CDH12: variants seen among roughly 807,000 people sequenced by gnomAD.
CDH12 encodes the protein cadherin-12.
In CDH12, 41 loss-of-function variants were observed where a neutral mutation model predicts 74.1. The ratio of observed to expected loss-of-function variants is 0.55; its 90% CI spans 0.43 to 0.72. CDH12 has a LOEUF of 0.72. Ranked by LOEUF, CDH12 falls within the 30% of genes least tolerant of loss-of-function variation. The pLI, the probability that CDH12 is intolerant of heterozygous loss-of-function variation, is 0.00. For missense variants in CDH12, 945 were observed against 977.2 expected, an observed-to-expected ratio of 0.97 and a Z score of 0.44; for synonymous variants, 399 against 355.0, an observed-to-expected ratio of 1.12 and a Z score of -1.39.
intron 6 of CDH12, among the ~76,000 whole-genome samples, chr5:21,939,096 G>T (rs1465851734): frequency 6.6e-6 from 1 of 150,938 alleles, no homozygotes; most frequent in African/African-American, 2.4e-5. Flanking sequence ...AAAAAATGCA[G>T]CCTTCTAAAA....
chr5:22,221,401 A>T (rs1012743591), intron 3 of CDH12, among the ~76,000 whole-genome samples: 1 of 151,840 alleles, frequency 6.6e-6, no homozygotes, highest in Non-Finnish European at 1.5e-5. Flanking sequence ...ATATTATTCT[A>T]TCTGTAAATG....
chr5:22,062,399 T>C (rs911669719), intron 5 of CDH12, among the ~76,000 whole-genome samples: 2 of 152,170 alleles, frequency 1.3e-5, no homozygotes, highest in African/African-American at 4.8e-5. Context: ...TGTCTAATCA[T>C]ATTCAAAAAT....
intron 2 of CDH12, among the ~76,000 whole-genome samples, chr5:22,467,651 A>G (rs778345783): frequency 6.6e-6 from 1 of 152,196 alleles, no homozygotes; most frequent in Non-Finnish European, 1.5e-5. Context: ...TAGTTGTTCA[A>G]TAAATATTGG....
chr5:22,156,350 A>G (rs1481951135), intron 4 of CDH12, among the ~76,000 whole-genome samples: 1 of 152,168 alleles, frequency 6.6e-6, no homozygotes, highest in Non-Finnish European at 1.5e-5. Context: ...TATGAAAAGG[A>G]GAATTAATAG....
At chr5:21,832,907 TGATATAATATTAATATATATC>T (rs1749138084) in intron 8 of CDH12, among the ~76,000 whole-genome samples, 1 of 80,838 alleles carries the variant, frequency 1.2e-5, no homozygotes, top group Non-Finnish European at 2.0e-5. Context: ...ATATAATATA[TGATATAATATTAATATATATC>T]ATATATTATA....
chr5:22,578,557 T>C (rs981597775), intron 1 of CDH12, among the ~76,000 whole-genome samples: 1 of 152,190 alleles, frequency 6.6e-6, no homozygotes, highest in Non-Finnish European at 1.5e-5. Context: ...AAAGGGAATC[T>C]GACTATAAAT....
intron 1 of CDH12, among the ~76,000 whole-genome samples, chr5:22,633,332 G>A (rs1738676657): frequency 1.3e-5 from 2 of 152,120 alleles, no homozygotes. Context: ...GAATATAAAA[G>A]TGCAATGGAT....
intron 1 of CDH12, among the ~76,000 whole-genome samples, chr5:22,657,694 C>T (rs1740122245): frequency 6.6e-6 from 1 of 152,118 alleles, no homozygotes; most frequent in Admixed American, 6.6e-5. Flanking sequence ...ATACCTAATT[C>T]TTTATAACAG....
chr5:21,932,916 C>T (rs944899411), intron 6 of CDH12, among the ~76,000 whole-genome samples: 3 of 149,538 alleles, frequency 2.0e-5, no homozygotes, highest in Non-Finnish European at 4.4e-5. Flanking sequence ...TGTTTCTTTT[C>T]TAATTCCAAA....
chr5:22,785,078 C>A (rs1367754236), intron 1 of CDH12, among the ~76,000 whole-genome samples: 1 of 152,028 alleles, frequency 6.6e-6, no homozygotes, highest in Non-Finnish European at 1.5e-5. Flanking sequence ...GGTTATGATG[C>A]CTTCTTCTGA....
rs757908437 is a variant in CDH12, at chr5:22,738,452, G to A, written c.-523+114606C>T. On this transcript the variant is annotated intron_variant, in intron 1 of 14. Coordinates refer to ENST00000382254, the MANE Select transcript of CDH12 (RefSeq NM_004061.5). ...CATTTCTCAGATTTGACTCTACTAC[G>A]TTGATATTGTTACATGTAAATAACT... 6.6e-5 allele frequency among the ~76,000 whole-genome samples: 10 copies of A among 152,040 alleles called. No homozygotes were observed. The East Asian group carries it at 1.4e-3, about 21-fold the overall frequency.
chr5:21,755,376 C>T (rs559428185), intron 14 of CDH12, among the ~76,000 whole-genome samples: 2 of 151,932 alleles, frequency 1.3e-5, no homozygotes, highest in Non-Finnish European at 2.9e-5. Flanking sequence ...ATTTATTTAT[C>T]CCCAATAATA....
intron 1 of CDH12, among the ~76,000 whole-genome samples, chr5:22,616,178 T>A (rs1035068232): frequency 7.9e-5 from 12 of 152,076 alleles, no homozygotes; most frequent in Admixed American, 2.0e-4. Flanking sequence ...GTACTGTTCA[T>A]TTCAACAAGT....
intron 1 of CDH12, among the ~76,000 whole-genome samples, chr5:22,516,349 A>G (rs1389434079): frequency 1.3e-5 from 2 of 152,228 alleles, no homozygotes; most frequent in Admixed American, 6.5e-5. Context: ...AAATGGCTCT[A>G]TTAAATCAAG....
At chr5:22,382,433 G>A (rs1247408125) in intron 3 of CDH12, among the ~76,000 whole-genome samples, 1 of 151,578 alleles carries the variant, frequency 6.6e-6, no homozygotes. Context: ...GACTGTTACC[G>A]GGCCCTGTAG....
Position 22,698,741 on chromosome 5 carries a change from T to TA in CDH12, c.-523+154316_-523+154317insT, listed in dbSNP as rs1561586190. 6.4e-3 allele frequency among the ~76,000 whole-genome samples: 229 copies of TA among 35,578 alleles called. 41 individuals carry two copies. The highest frequency in any genetic ancestry group is 0.01 in the Non-Finnish European group (184 of 17,620). 23.3% of individuals were successfully genotyped at this position (35,578 alleles called of 152,430 possible). ...TATATATATATATATATATAGTGTG[T>TA]GTGTGTGTGTGTGTGTGTGTGTGTG... On this transcript the variant is annotated intron_variant, in intron 1 of 14. Coordinates refer to ENST00000382254, the MANE Select transcript of CDH12 (RefSeq NM_004061.5).
Position 21,931,567 on chromosome 5 carries a change from C to T in CDH12, c.526+43524G>A, listed in dbSNP as rs141644353. On this transcript the variant is annotated intron_variant, in intron 6 of 14. Transcript: ENST00000382254. ...GTTTTTTCAATGCATAATAAATCTG[C>T]CCAAGAATAACTGACTTTCAGGTTA... Among the ~76,000 whole-genome samples the T allele has an allele frequency of 5.6e-3, 849 of 152,190 alleles. 5 individuals carry two copies. Among genetic ancestry groups the T allele is most frequent in the African/African-American group, 0.019 (809 of 41,506 alleles).
intron 1 of CDH12, among the ~76,000 whole-genome samples, chr5:22,801,834 T>G (rs543075363): frequency 6.6e-6 from 1 of 151,496 alleles, no homozygotes; most frequent in African/African-American, 2.4e-5. Context: ...GTGCATTTAC[T>G]TTAATTCAGT....
chr5:22,127,332 C>T (rs1323468523), intron 4 of CDH12, among the ~76,000 whole-genome samples: 1 of 151,958 alleles, frequency 6.6e-6, no homozygotes, highest in Non-Finnish European at 1.5e-5. Context: ...CAAAAATTAG[C>T]TGGGCATGTT....
Sources: gnomAD v4.1 joint callset for allele counts (sites outside exome capture counted in the v4.1 genomes callset) on GRCh38, gnomAD v4.1.1 for gene constraint, MANE v1.5 for transcripts, NCBI Gene and HGNC (gene_info 2026-07-23, HGNC 2026-07-21) for gene names.